IQCN: variants seen among roughly 807,000 people sequenced by gnomAD.
IQCN encodes the protein IQ motif containing N.
In IQCN, 46 loss-of-function variants were observed where a neutral mutation model predicts 64.4. The ratio of observed to expected loss-of-function variants is 0.71; its 90% CI spans 0.56 to 0.91. IQCN has a LOEUF of 0.91. Among genes scored for constraint, IQCN ranks in the 40% least tolerant of loss-of-function variants. IQCN has a pLI of 0.00. For synonymous variants in IQCN, 733 were observed against 775.6 expected, an observed-to-expected ratio of 0.95 and a Z score of 0.91; for missense variants, 1,753 against 1,857.4, an observed-to-expected ratio of 0.94 and a Z score of 1.03.
At position 18,264,259 on chromosome 19, in the gene IQCN, G is replaced by A. The variant is rs1487209270; in HGVS notation, c.3177+104C>T. On this transcript the variant is annotated intron_variant, in intron 3 of 3. Transcript: ENST00000392413. This position sits in a 1 kb window ranked among gnomAD's most constrained non-coding sequence, Gnocchi z 4.3. ...CCCACAGTGACCACAGATAAGCAGGGTGACCCCCACAAGATGGCCCCATCA... is the reference window on the plus strand; with the variant it reads ...CCCACAGTGACCACAGATAAGCAGGATGACCCCCACAAGATGGCCCCATCA... The A allele has an allele frequency of 2.1e-5, 21 of 1,001,756 alleles. No homozygotes were observed. In the East Asian group the frequency reaches 5.3e-4, roughly 25 times the overall value. The allele number at this position is 1,001,756 out of a possible 1,614,324, so 62.1% of individuals were successfully genotyped here.
intron 3 of IQCN, chr19:18,262,454 T>C (rs576023715): frequency 1.3e-5 from 2 of 152,940 alleles, no homozygotes; most frequent in South Asian, 4.1e-4. Context: ...GGGCTTGAGA[T>C]GGCTGGGCTA....
Position 18,257,405 on chromosome 19 carries a change from A to G in IQCN, c.3879T>C (p.Ser1293=). The change falls in exon 4 of 4, where the codon AGT becomes AGC. Residue 1293 remains serine, a synonymous_variant. Coordinates refer to ENST00000392413, the MANE Select transcript of IQCN (RefSeq NM_001145304.2). The part of the protein sequence containing the change: ...WASAYQLAAL[S]PRQPHRQDKA... ...TGTCCTGGCGATGCGGCTGCCTGGG[A>G]CTCAGGGCAGCCAGCTGGTAGGCGG... The G allele has an allele frequency of 6.2e-7, 1 of 1,610,350 alleles. No individual in the cohort carries two copies. Among genetic ancestry groups the G allele is most frequent in the South Asian group, 1.1e-5 (1 of 90,960 alleles).
intron 3 of IQCN, chr19:18,258,317 G>A (rs527541976): frequency 4.5e-4 from 318 of 707,188 alleles, no homozygotes; most frequent in Non-Finnish European, 6.4e-4. Context: ...TGCGGATGAC[G>A]GGCCTTACCT....
Position 18,265,665 on chromosome 19 carries a change from T to G in IQCN, c.1875A>C (p.Ala625=). The G allele has an allele frequency of 6.2e-7, 1 of 1,614,156 alleles. No individual in the cohort carries two copies. Among genetic ancestry groups the G allele is most frequent in the Non-Finnish European group, 8.5e-7 (1 of 1,180,034 alleles). ...KTDMAFKTSV[A]VEMAGAPSWT... ...AGGATGGAGCCCCAGCCATTTCCAC[T>G]GCCACACTGGTCTTAAATGCCATGT... The change falls in exon 3 of 4, where the codon GCA becomes GCC. Residue 625 remains alanine (A), a synonymous_variant. Transcript: ENST00000392413. This position sits in a 1 kb window ranked among gnomAD's most constrained non-coding sequence, Gnocchi z 4.7.
Position 18,266,397 on chromosome 19 carries a change from C to T in IQCN, c.1143G>A (p.Met381Ile), listed in dbSNP as rs1452763083. 2.5e-6 allele frequency: 4 copies of T among 1,598,492 alleles called. No homozygotes were observed. The African/African-American group carries it at 5.4e-5, about 22-fold the overall frequency. The change falls in exon 3 of 4, where the codon ATG (methionine) becomes ATA (isoleucine). Residue 381 changes from methionine to isoleucine, a missense_variant. By Grantham distance (10) the Met-to-Ile change is conservative (BLOSUM62 1). Coordinates refer to ENST00000392413, the MANE Select transcript of IQCN (RefSeq NM_001145304.2). The surrounding 1 kb of genome is among the most constrained non-coding windows in gnomAD (Gnocchi z 4.3). ...KVTIIKTPAQ[M>I]YPGPTVTKTA... ...TTTTGGTCACTGTGGGCCCCGGATA[C>T]ATCTGGGCTGGGGTCTTGATTATTG...
chr19:18,269,489 G>A lies in IQCN; in HGVS notation c.-11C>T. 6.2e-7 allele frequency: 1 copy of A among 1,613,934 alleles called. No homozygotes were observed. Among genetic ancestry groups the A allele is most frequent in the Non-Finnish European group, 8.5e-7 (1 of 1,179,970 alleles). ...ACCTTGAAGGGTCATAGATTTGGAG[G>A]AGTAGCAGGAGAAGAAGGTGCAATC... On this transcript the variant is annotated 5_prime_UTR_variant, in exon 2 of 4. Transcript: ENST00000392413.
Position 18,266,736 on chromosome 19 carries a change from G to A in IQCN, c.804C>T (p.Ser268=), listed in dbSNP as rs765635901. 1.9e-6 allele frequency: 3 copies of A among 1,614,170 alleles called. No homozygotes were observed. The highest frequency in any genetic ancestry group is 1.7e-6 in the Non-Finnish European group (2 of 1,180,032). The change falls in exon 3 of 4, where the codon AGC becomes AGT. Residue 268 remains serine, a synonymous_variant. Coordinates refer to ENST00000392413, the MANE Select transcript of IQCN (RefSeq NM_001145304.2). The surrounding 1 kb of genome is among the most constrained non-coding windows in gnomAD (Gnocchi z 4.3). ...QPCLLTRTIR[S]TCLVHIEGDS... ...CACCCTCTATGTGGACGAGGCAGGT[G>A]CTTCTGATGGTTCTGGTCAGCAGGC...
intron 3 of IQCN, chr19:18,260,535 A>T (rs1165171004): frequency 6.5e-6 from 1 of 152,686 alleles, no homozygotes; most frequent in Non-Finnish European, 1.5e-5. Flanking sequence ...TGACTGAGCC[A>T]GGCTTAGGGC....
rs140812621 is a variant in IQCN, at chr19:18,265,157, G to T, written c.2383C>A (p.Pro795Thr). Residue 795 changes from proline to threonine, a missense_variant, in exon 3 of 4, where the codon CCC becomes ACC. Coordinates refer to ENST00000392413, the MANE Select transcript of IQCN (RefSeq NM_001145304.2). The surrounding 1 kb of genome is among the most constrained non-coding windows in gnomAD (Gnocchi z 4.7). ...CQRLGGLSAP[P>T]WAKPEDRQTQ... ...TGTCTGTCCTCTGGCTTGGCCCAGG[G>T]TGGGGCGCTGAGGCCACCGAGGCGC... 3 of 1,607,724 alleles carry T rather than the reference G, an allele frequency of 1.9e-6. No homozygotes were observed. Among genetic ancestry groups the T allele is most frequent in the Admixed American group, 1.7e-5 (1 of 59,992 alleles).
intron 3 of IQCN, among the ~76,000 whole-genome samples, chr19:18,263,727 C>G (rs752949358): frequency 6.6e-6 from 1 of 152,054 alleles, no homozygotes; most frequent in South Asian, 2.1e-4. Context: ...GTAGAGACCA[C>G]GATGTACCCC....
chr19:18,258,294 G>A (rs1244999944), intron 3 of IQCN, 188 bp from the exon 4 acceptor site: 1 of 728,184 alleles, frequency 1.4e-6, no homozygotes, highest in South Asian at 1.5e-5. Context: ...CGAGGAGTGT[G>A]TCATCTCCCC....
At chr19:18,271,256 G>C (rs1479270349) in intron 1 of IQCN, among the ~76,000 whole-genome samples, 1 of 151,318 alleles carries the variant, frequency 6.6e-6, no homozygotes, top group Non-Finnish European at 1.5e-5. Context: ...GCTCACGTGA[G>C]GTCAGGAGTT....
Position 18,264,923 on chromosome 19 carries a change from C to A in IQCN, c.2617G>T (p.Val873Leu). ...GQAVPCQEDT[V>L]GSLLASLCAE... Reference sequence around the variant, plus strand: ...CACAAGGAGGCCAGCAGGGAGCCTACCGTGTCCTCCTGGCAGGGCACCGCC... The same window carrying A: ...CACAAGGAGGCCAGCAGGGAGCCTAACGTGTCCTCCTGGCAGGGCACCGCC... The change falls in exon 3 of 4, where the codon GTA becomes TTA. Residue 873 changes from valine (V) to leucine (L), a missense_variant. By Grantham distance (32) the Val-to-Leu change is conservative (BLOSUM62 1). Transcript: ENST00000392413. This position sits in a 1 kb window ranked among gnomAD's most constrained non-coding sequence, Gnocchi z 4.3. 1 of 1,613,162 alleles carries A rather than the reference C, an allele frequency of 6.2e-7. No individual in the cohort carries two copies. The highest frequency in any genetic ancestry group is 8.5e-7 in the Non-Finnish European group (1 of 1,179,994).
At position 18,265,379 on chromosome 19, in the gene IQCN, G is replaced by A. The variant is rs771679475; in HGVS notation, c.2161C>T (p.His721Tyr). Residue 721 changes from histidine (H) to tyrosine (Y), a missense_variant, in exon 3 of 4, where the codon CAT becomes TAT. By Grantham distance (83) the His-to-Tyr change is moderately conservative (BLOSUM62 2). Transcript: ENST00000392413. This position sits in a 1 kb window ranked among gnomAD's most constrained non-coding sequence, Gnocchi z 4.7. Reference protein sequence around the residue: ...TCLSKMHSQTHLATGAVKVQS... With the variant: ...TCLSKMHSQTYLATGAVKVQS... ...ACCTTCACGGCACCTGTGGCCAGATGTGTCTGGGAATGCATCTTGCTCAGA... is the reference window on the plus strand; with the variant it reads ...ACCTTCACGGCACCTGTGGCCAGATATGTCTGGGAATGCATCTTGCTCAGA... The A allele has an allele frequency of 1.2e-6, 2 of 1,614,204 alleles. No individual in the cohort carries two copies. The highest frequency in any genetic ancestry group is 1.7e-5 in the Admixed American group (1 of 60,026).
intron 1 of IQCN, among the ~76,000 whole-genome samples, chr19:18,273,406 T>C (rs1296039037): frequency 6.6e-6 from 1 of 152,018 alleles, no homozygotes; most frequent in African/African-American, 2.4e-5. Flanking sequence ...GGCGCCATCT[T>C]GGCTCACTGC....
Position 18,265,475 on chromosome 19 carries a change from T to G in IQCN, c.2065A>C (p.Lys689Gln). 1 of 1,613,294 alleles carries G rather than the reference T, an allele frequency of 6.2e-7. No individual in the cohort carries two copies. Among genetic ancestry groups the G allele is most frequent in the Non-Finnish European group, 8.5e-7 (1 of 1,179,304 alleles). Residue 689 changes from lysine (K) to glutamine (Q), a missense_variant, in exon 3 of 4, where the codon AAG becomes CAG. Physicochemically the swap from Lys to Gln is moderately conservative, Grantham distance 53. Transcript: ENST00000392413. This position sits in a 1 kb window ranked among gnomAD's most constrained non-coding sequence, Gnocchi z 4.7. The stretch of plus-strand genomic sequence containing the variant: ...GGCAGATGTCCCTGAGATGAGGCCT[T>G]GGTCAGCGGGGCGGCCAGTGGTCTC... ...SQRPLAAPLT[K>Q]ASSQGHLPTE... is the part of the protein sequence containing the mutation.
At chr19:18,263,766 C>T (rs1326187510) in intron 3 of IQCN, among the ~76,000 whole-genome samples, 5 of 152,144 alleles carry the variant, frequency 3.3e-5, no homozygotes, top group African/African-American at 4.8e-5. Context: ...CAGGCCCCCA[C>T]AGGTGAGGTA....
intron 2 of IQCN, among the ~76,000 whole-genome samples, chr19:18,268,805 T>C (rs1158568386): frequency 6.6e-6 from 1 of 151,188 alleles, no homozygotes; most frequent in Non-Finnish European, 1.5e-5. Flanking sequence ...CTACTGAAAA[T>C]ACAAAAATTA....
intron 2 of IQCN, among the ~76,000 whole-genome samples, chr19:18,268,354 G>T (rs57252687): frequency 0.48 from 72,303 of 151,198 alleles, 17,470 homozygotes; most frequent in Admixed American, 0.57. Context: ...GAATGGGTAG[G>T]TATTGGGTGG....
Sources: gnomAD v4.1 joint callset for allele counts (sites outside exome capture counted in the v4.1 genomes callset) on GRCh38, gnomAD v4.1.1 for gene constraint, Gnocchi (gnomAD v3.1) non-coding constraint, MANE v1.5 for transcripts, NCBI Gene and HGNC (gene_info 2026-07-23, HGNC 2026-07-21) for gene names.